FBN2: variants seen among roughly 807,000 people sequenced by gnomAD.
FBN2 encodes the protein fibrillin-2.
FBN2 carries 105 observed loss-of-function variants against 355.6 expected under a neutral mutation model. That is an observed-to-expected ratio of 0.30 (90% confidence interval 0.25 to 0.35). The LOEUF is 0.35. Ranked by LOEUF, FBN2 falls within the 10% of genes least tolerant of loss-of-function variation. FBN2 has a pLI of 1.00. For synonymous variants in FBN2, 1,350 were observed against 1,301.2 expected, an observed-to-expected ratio of 1.04 and a Z score of -0.81; for missense variants, 3,280 against 3,758.7, an observed-to-expected ratio of 0.87 and a Z score of 3.33.
intron 3 of FBN2, among the ~76,000 whole-genome samples, chr5:128,528,803 A>G (rs575590645): frequency 6.6e-5 from 10 of 152,246 alleles, no homozygotes; most frequent in Non-Finnish European, 1.2e-4. Context: ...TATATTTTAA[A>G]AAGATTACTC....
At chr5:128,370,634 A>G (rs1026979547) in intron 15 of FBN2, among the ~76,000 whole-genome samples, 3 of 152,160 alleles carry the variant, frequency 2.0e-5, no homozygotes, top group Non-Finnish European at 4.4e-5. Flanking sequence ...ATCATTTCCA[A>G]TATGATTTTT....
intron 8 of FBN2, among the ~76,000 whole-genome samples, chr5:128,397,909 A>G (rs1752692377): frequency 6.6e-6 from 1 of 152,130 alleles, no homozygotes; most frequent in African/African-American, 2.4e-5. Context: ...CTCGTAAGGT[A>G]GGGTTCCAAA....
chr5:128,281,626 A>T (rs528359984), intron 55 of FBN2, among the ~76,000 whole-genome samples: 3 of 152,182 alleles, frequency 2.0e-5, no homozygotes, highest in South Asian at 2.1e-4. Flanking sequence ...TGGTCCACTT[A>T]TATTATTTCT....
At chr5:128,275,156 A>G (rs777752852) in intron 59 of FBN2, among the ~76,000 whole-genome samples, 2 of 152,186 alleles carry the variant, frequency 1.3e-5, no homozygotes, top group Non-Finnish European at 2.9e-5. Context: ...GCAAAATACA[A>G]CACCTGTAAT....
chr5:128,423,857 T>C (rs1753417206), intron 7 of FBN2, among the ~76,000 whole-genome samples: 1 of 152,058 alleles, frequency 6.6e-6, no homozygotes, highest in African/African-American at 2.4e-5. Context: ...GTTTCAGAAA[T>C]CTAGAAGAGA....
intron 7 of FBN2, among the ~76,000 whole-genome samples, chr5:128,436,951 C>T (rs115625588): frequency 0.012 from 1,844 of 152,192 alleles, 47 homozygotes; most frequent in African/African-American, 0.043. Flanking sequence ...AATCAGGCAC[C>T]CAGCAACAGT....
At chr5:128,357,528 T>C in intron 19 of FBN2, 133 bp from the exon 20 acceptor site, 1 of 1,053,572 alleles carries the variant, frequency 9.5e-7, no homozygotes, top group Non-Finnish European at 1.4e-6. Context: ...CTATGAAGCA[T>C]AAAGTGAATG....
At chr5:128,466,800 C>A (rs184312659) in intron 5 of FBN2, among the ~76,000 whole-genome samples, 3 of 152,122 alleles carry the variant, frequency 2.0e-5, no homozygotes, top group Non-Finnish European at 4.4e-5. Flanking sequence ...TTGGAGTATA[C>A]GTGAAGATAT....
chr5:128,353,651 TG>T (rs1057489243), intron 20 of FBN2, among the ~76,000 whole-genome samples: 7 of 152,248 alleles, frequency 4.6e-5, no homozygotes, highest in Admixed American at 3.9e-4. Context: ...CAACAGTTAT[TG>T]CTAAGATTTA....
chr5:128,504,472 G>A (rs1200934006), intron 5 of FBN2, among the ~76,000 whole-genome samples: 1 of 152,226 alleles, frequency 6.6e-6, no homozygotes, highest in Non-Finnish European at 1.5e-5. Flanking sequence ...AGCTGCCCAA[G>A]ACCATGGGGA....
intron 7 of FBN2, among the ~76,000 whole-genome samples, chr5:128,410,205 CA>C (rs1428942688): frequency 6.6e-6 from 1 of 152,168 alleles, no homozygotes; most frequent in Non-Finnish European, 1.5e-5. Context: ...AAAATGTGGT[CA>C]AAGAGCTGCC....
chr5:128,452,232 T>C (rs1421839402), intron 6 of FBN2, among the ~76,000 whole-genome samples: 1 of 152,194 alleles, frequency 6.6e-6, no homozygotes, highest in Non-Finnish European at 1.5e-5. Flanking sequence ...AATTCTCCAA[T>C]GACCAGACTG....
intron 7 of FBN2, among the ~76,000 whole-genome samples, chr5:128,413,818 C>T (rs1007285460): frequency 3.9e-5 from 6 of 152,002 alleles, no homozygotes; most frequent in Admixed American, 3.3e-4. Context: ...ATTTTGTTTC[C>T]ACTGATGCCA....
At chr5:128,342,649 A>C (rs568861802) in intron 25 of FBN2, among the ~76,000 whole-genome samples, 2 of 152,264 alleles carry the variant, frequency 1.3e-5, no homozygotes, top group South Asian at 4.1e-4. Flanking sequence ...AAGGAGGGAA[A>C]AGAGGAGTTA....
chr5:128,265,270 A>G (rs2126797391), intron 62 of FBN2, among the ~76,000 whole-genome samples: 1 of 152,342 alleles, frequency 6.6e-6, no homozygotes, highest in East Asian at 1.9e-4. Flanking sequence ...ATTTAATAAA[A>G]TGATCCTGCC....
intron 15 of FBN2, among the ~76,000 whole-genome samples, chr5:128,371,792 C>T (rs1751952323): frequency 6.6e-6 from 1 of 152,120 alleles, no homozygotes; most frequent in Admixed American, 6.6e-5. Context: ...CTTGGCCTCC[C>T]AAAGTGTTGG....
intron 8 of FBN2, among the ~76,000 whole-genome samples, chr5:128,398,013 G>GA (rs996731108): frequency 1.0e-3 from 150 of 148,208 alleles, no homozygotes; most frequent in African/African-American, 3.3e-3. Flanking sequence ...CTCTGTGGAG[G>GA]AAAAAAAAAA....
intron 62 of FBN2, among the ~76,000 whole-genome samples, chr5:128,271,254 C>T (rs1337615923): frequency 6.6e-6 from 1 of 152,164 alleles, no homozygotes; most frequent in Non-Finnish European, 1.5e-5. Flanking sequence ...ACCACAGTGC[C>T]CCTTTCTGCT....
intron 48 of FBN2, among the ~76,000 whole-genome samples, chr5:128,294,044 G>T (rs1295299053): frequency 6.6e-6 from 1 of 151,320 alleles, no homozygotes; most frequent in Non-Finnish European, 1.5e-5. Flanking sequence ...GTGTCCATGT[G>T]TTCTCATTGT....
Sources: gnomAD v4.1 joint callset for allele counts (sites outside exome capture counted in the v4.1 genomes callset) on GRCh38, gnomAD v4.1.1 for gene constraint, MANE v1.5 for transcripts, NCBI Gene and HGNC (gene_info 2026-07-23, HGNC 2026-07-21) for gene names.